SCAF8: variants seen among roughly 807,000 people sequenced by gnomAD.
The protein encoded by SCAF8 is SR-related CTD associated factor 8.
SCAF8 carries 23 observed loss-of-function variants against 140.5 expected under a neutral mutation model. The observed-to-expected ratio is 0.16, with a 90% CI of 0.12 to 0.23. The LOEUF (loss-of-function observed/expected upper bound fraction) is 0.23, where lower values mean the gene tolerates loss of function less well. Among genes scored for constraint, SCAF8 ranks in the 10% least tolerant of loss-of-function variants. The pLI, the probability that SCAF8 is intolerant of heterozygous loss-of-function variation, is 1.00. For synonymous variants in SCAF8, 575 were observed against 528.9 expected, an observed-to-expected ratio of 1.09 and a Z score of -1.20; for missense variants, 1,397 against 1,555.7, an observed-to-expected ratio of 0.90 and a Z score of 1.72.
At chr6:154,831,742 A>G (rs1237015882) in intron 19 of SCAF8, among the ~76,000 whole-genome samples, 197 bp from the exon 20 acceptor site, 2 of 93,030 alleles carry the variant, frequency 2.1e-5, no homozygotes, top group East Asian at 3.0e-4. Flanking sequence ...AAAAAAAAAA[A>G]GAATTATGGT....
At chr6:154,749,175 C>G (rs137982357) in intron 1 of SCAF8, among the ~76,000 whole-genome samples, 1 of 152,154 alleles carries the variant, frequency 6.6e-6, no homozygotes, top group Non-Finnish European at 1.5e-5. Context: ...CTCCCGACCT[C>G]GGTGATCTGC....
intron 1 of SCAF8, among the ~76,000 whole-genome samples, chr6:154,741,126 C>T (rs1253080819): frequency 6.6e-6 from 1 of 152,074 alleles, no homozygotes; most frequent in Non-Finnish European, 1.5e-5. Flanking sequence ...TCTGATTTTG[C>T]TGTTTTTCTG....
At chr6:154,810,879 G>T (rs954845840) in intron 12 of SCAF8, among the ~76,000 whole-genome samples, 1 of 152,066 alleles carries the variant, frequency 6.6e-6, no homozygotes, top group South Asian at 2.1e-4. Flanking sequence ...ACATAAAATC[G>T]AACAAATTGT....
intron 3 of SCAF8, among the ~76,000 whole-genome samples, chr6:154,782,786 C>T (rs1201197306): frequency 6.6e-6 from 1 of 152,134 alleles, no homozygotes; most frequent in Admixed American, 6.5e-5. Flanking sequence ...AAGATGTAGG[C>T]TCTGAGGCTA....
chr6:154,770,376 ACACACACACACACTCTCTCTCTCTCT>A, intron 1 of SCAF8, among the ~76,000 whole-genome samples: 1 of 139,260 alleles, frequency 7.2e-6, no homozygotes, highest in East Asian at 2.1e-4. Flanking sequence ...AGGTACACAC[ACACACACACACACTCTCTCTCTCTCT>A]CTCTCTCTCT....
chr6:154,754,633 A>G (rs933503663), intron 1 of SCAF8, among the ~76,000 whole-genome samples: 5 of 152,162 alleles, frequency 3.3e-5, no homozygotes, highest in Admixed American at 2.6e-4. Context: ...TGAAAAGTAT[A>G]TTACTGTCTT....
At position 154,790,911 on chromosome 6, in the gene SCAF8, A is replaced by C. The variant is rs561073036; in HGVS notation, c.322-1912A>C. Among the ~76,000 whole-genome samples the C allele has an allele frequency of 2.6e-5, 4 of 152,240 alleles. 1 individual carries two copies. The South Asian group carries it at 8.3e-4, about 32-fold the overall frequency. Reference sequence around the variant, plus strand: ...AGGACTTAGTACTTGTTTGCAGAATAGTTATGTGTTAAACAGTTGTGAATC... The same window carrying C: ...AGGACTTAGTACTTGTTTGCAGAATCGTTATGTGTTAAACAGTTGTGAATC... On this transcript the variant is annotated intron_variant, in intron 4 of 19. Transcript: ENST00000367178.
At chr6:154,741,664 C>T (rs1312160180) in intron 1 of SCAF8, among the ~76,000 whole-genome samples, 3 of 152,186 alleles carry the variant, frequency 2.0e-5, no homozygotes. Flanking sequence ...GCCTCGGCCT[C>T]CCAAAGTGCT....
chr6:154,781,255 T>G (rs1262855897), intron 3 of SCAF8, among the ~76,000 whole-genome samples: 1 of 152,038 alleles, frequency 6.6e-6, no homozygotes. Flanking sequence ...ACAAAGAGAA[T>G]AAAATACCTA....
chr6:154,790,488 A>ATTTTTTTTTTTTTTTTTTTTTTTTTTTT (rs1777381676), intron 4 of SCAF8, among the ~76,000 whole-genome samples: 1 of 119,922 alleles, frequency 8.3e-6, no homozygotes, highest in Non-Finnish European at 1.8e-5. Flanking sequence ...CATTTAACAG[A>ATTTTTTTTTTTTTTTTTTTTTTTTTTTT]ATTTTTTTTT....
In SCAF8 at chr6:154,833,108, C is replaced by T. The variant is rs1282696177; in HGVS notation, c.3529C>T (p.Arg1177Cys). 3 of 1,613,962 alleles carry T rather than the reference C, an allele frequency of 1.9e-6. No individual in the cohort carries two copies. The highest frequency in any genetic ancestry group is 2.7e-5 in the African/African-American group (2 of 74,916). The change falls in exon 20 of 20, where the codon CGT becomes TGT. Residue 1177 changes from arginine (R) to cysteine (C), a missense_variant. Around this residue, in one of 5 missense-constraint regions of SCAF8, gnomAD observed 930 missense variants for 874.6 expected, o/e 1.06. Coordinates refer to ENST00000367178, the MANE Select transcript of SCAF8 (RefSeq NM_014892.5). Reference sequence around the variant, plus strand: ...TTTCTGCAGAGAAATGAATGGAAATCGTCTTGGACGAGACAGAATTCAAAA... The same window carrying T: ...TTTCTGCAGAGAAATGAATGGAAATTGTCTTGGACGAGACAGAATTCAAAA... The part of the protein sequence containing the change: ...FDFCREMNGN[R>C]LGRDRIQNTW...
chr6:154,781,013 T>C (rs1447716506), intron 3 of SCAF8, among the ~76,000 whole-genome samples: 1 of 152,110 alleles, frequency 6.6e-6, no homozygotes, highest in Non-Finnish European at 1.5e-5. Flanking sequence ...TTCCTGTTTC[T>C]CCACAGCCTC....
rs376622207 is a variant in SCAF8 at position 154,796,389 on chromosome 6, C to CTCTCTCTCTCTCTCTCTCTCTCTGTCTG, written c.606+1253_606+1254insCTCTCTCTCTCTCTCTCTCTGTCTGTCT. ...TCTCTCTCTCTCTCTCTCTCTCTCT[C>CTCTCTCTCTCTCTCTCTCTCTCTGTCTG]TCTGTCTCTCTCTTTTTCTGACCCT... On this transcript the variant is annotated intron_variant, in intron 6 of 19. Coordinates refer to ENST00000367178, the MANE Select transcript of SCAF8 (RefSeq NM_014892.5). 7.6e-4 allele frequency among the ~76,000 whole-genome samples: 107 copies of CTCTCTCTCTCTCTCTCTCTCTCTGTCTG among 141,046 alleles called. 2 individuals carry two copies. The highest frequency in any genetic ancestry group is 2.9e-3 in the East Asian group (13 of 4,504). 92.5% of individuals were successfully genotyped at this position (141,046 alleles called of 152,430 possible).
chr6:154,748,585 GATT>G (rs1446983993), intron 1 of SCAF8, among the ~76,000 whole-genome samples: 4 of 152,042 alleles, frequency 2.6e-5, no homozygotes, highest in Non-Finnish European at 5.9e-5. Context: ...CCTTTGTAAA[GATT>G]ATTAATATAT....
chr6:154,753,593 C>T (rs1290368125), intron 1 of SCAF8, among the ~76,000 whole-genome samples: 4 of 151,960 alleles, frequency 2.6e-5, no homozygotes, highest in Non-Finnish European at 4.4e-5. Context: ...GAGCCAAGAT[C>T]GCGACTCTGC....
chr6:154,746,025 A>G (rs937991066), intron 1 of SCAF8, among the ~76,000 whole-genome samples: 2 of 152,196 alleles, frequency 1.3e-5, no homozygotes, highest in East Asian at 3.9e-4. Context: ...AGCTGGGGCC[A>G]CAGGCACACA....
intron 1 of SCAF8, among the ~76,000 whole-genome samples, chr6:154,760,978 T>G (rs1583010687): frequency 6.6e-6 from 1 of 152,070 alleles, no homozygotes; most frequent in African/African-American, 2.4e-5. Flanking sequence ...TTTTTTTAAA[T>G]TTTTGTAGAG....
rs1405724825 is a variant in SCAF8 at position 154,733,772 on chromosome 6, G to GCAGCGGCCCGCTCTCCCGC, written c.-123_-105dup. Reference sequence around the variant, plus strand: ...TGCCCTTCCACTCCGCCCCGAGGTCGCAGCGGCCCGCTCTCCCGCCAGCGC... The same window carrying GCAGCGGCCCGCTCTCCCGC: ...TGCCCTTCCACTCCGCCCCGAGGTCGCAGCGGCCCGCTCTCCCGCCAGCGGCCCGCTCTCCCGCCAGCGC... On this transcript the variant is annotated 5_prime_UTR_variant, in exon 1 of 20. Coordinates refer to ENST00000367178, the MANE Select transcript of SCAF8 (RefSeq NM_014892.5). 315 of 1,365,026 alleles carry GCAGCGGCCCGCTCTCCCGC rather than the reference G, an allele frequency of 2.3e-4. No homozygotes were observed. The African/African-American group carries it at 4.3e-3, about 19-fold the overall frequency. The allele number at this position is 1,365,026 out of a possible 1,614,324, so 84.6% of individuals were successfully genotyped here. A position where few individuals can be genotyped will look rare whatever the true frequency, so the allele number is the denominator to read the frequency against.
intron 4 of SCAF8, among the ~76,000 whole-genome samples, chr6:154,790,615 A>G (rs1777391086): frequency 7.1e-6 from 1 of 141,296 alleles, no homozygotes; most frequent in African/African-American, 2.6e-5. Flanking sequence ...GGTTCACGCC[A>G]TTCTCTTGCC....
Sources: gnomAD v4.1 joint callset for allele counts (sites outside exome capture counted in the v4.1 genomes callset) on GRCh38, gnomAD v4.1.1 for gene constraint, gnomAD v4.1.1 regional missense constraint, MANE v1.5 for transcripts, NCBI Gene and HGNC (gene_info 2026-07-23, HGNC 2026-07-21) for gene names.